SLIT3: variants seen among roughly 807,000 people sequenced by gnomAD.
SLIT3 encodes the protein slit guidance ligand 3, also known as slit homolog 3 protein.
SLIT3 carries 68 observed loss-of-function variants against 184.0 expected under a neutral mutation model. The observed-to-expected ratio is 0.37, with a 90% CI of 0.30 to 0.45. The LOEUF (loss-of-function observed/expected upper bound fraction) is 0.45. Ranked by LOEUF, SLIT3 falls within the 20% of genes least tolerant of loss-of-function variation. The pLI is 1.00. For missense variants in SLIT3, 1,707 were observed against 2,026.0 expected, an observed-to-expected ratio of 0.84 and a Z score of 3.02; for synonymous variants, 831 against 828.6, an observed-to-expected ratio of 1.00 and a Z score of -0.05.
At chr5:169,201,432 C>A (rs1310775774) in intron 3 of SLIT3, among the ~76,000 whole-genome samples, 4 of 152,102 alleles carry the variant, frequency 2.6e-5, no homozygotes, top group African/African-American at 9.7e-5. Context: ...TCTGAGAGGG[C>A]TGAATGGTTT....
At chr5:168,723,082 A>C (rs1451837832) in intron 21 of SLIT3, 78 bp from the exon 22 acceptor site, 1 of 970,356 alleles carries the variant, frequency 1.0e-6, no homozygotes, top group African/African-American at 1.6e-5. Context: ...TATCACACAT[A>C]CCTGCCATCC....
intron 6 of SLIT3, among the ~76,000 whole-genome samples, chr5:168,835,648 A>G (rs1758026372): frequency 6.6e-6 from 1 of 151,844 alleles, no homozygotes. Context: ...GTCTCTACTA[A>G]AAATACAAAA....
intron 4 of SLIT3, among the ~76,000 whole-genome samples, chr5:168,999,617 G>C (rs906717284): frequency 2.6e-5 from 4 of 152,204 alleles, no homozygotes; most frequent in South Asian, 4.1e-4. Flanking sequence ...TGGCTTCCTA[G>C]TGCTGCCTCC....
At chr5:168,811,720 G>T (rs534023217) in intron 8 of SLIT3, among the ~76,000 whole-genome samples, 4 of 152,324 alleles carry the variant, frequency 2.6e-5, no homozygotes, top group Non-Finnish European at 5.9e-5. Context: ...AACAACAAAT[G>T]CTGGCACCAA....
intron 4 of SLIT3, chr5:168,993,131 G>T (rs1252172798): frequency 6.6e-6 from 1 of 152,182 alleles, no homozygotes; most frequent in South Asian, 2.1e-4. Context: ...GAAGCCTCAG[G>T]TCTGACATTT....
rs557165719 is a variant in SLIT3 at position 169,209,821 on chromosome 5, G to A, written c.342-16271C>T. Among the ~76,000 whole-genome samples the A allele has an allele frequency of 7.9e-5, 12 of 152,250 alleles. No individual in the cohort carries two copies. The East Asian group carries it at 1.4e-3, about 17-fold the overall frequency. On this transcript the variant is annotated intron_variant, in intron 3 of 35. Coordinates refer to ENST00000519560, the MANE Select transcript of SLIT3 (RefSeq NM_003062.4). Reference sequence around the variant, plus strand: ...GGGGTAGGGGGCAAGGGGAGGGATAGCATTAAGAGAAATACCCAATGTAGA... The same window carrying A: ...GGGGTAGGGGGCAAGGGGAGGGATAACATTAAGAGAAATACCCAATGTAGA...
At chr5:168,980,831 T>C (rs1445321825) in intron 4 of SLIT3, among the ~76,000 whole-genome samples, 2 of 152,210 alleles carry the variant, frequency 1.3e-5, no homozygotes, top group Non-Finnish European at 2.9e-5. Context: ...TATTCAGTCA[T>C]TAAAGACACT....
At chr5:168,985,894 CT>C (rs1418859031) in intron 4 of SLIT3, among the ~76,000 whole-genome samples, 4 of 152,066 alleles carry the variant, frequency 2.6e-5, no homozygotes, top group African/African-American at 9.7e-5. Context: ...ATTTGAACCC[CT>C]GGTTAAATCA....
intron 4 of SLIT3, among the ~76,000 whole-genome samples, chr5:168,980,638 C>T (rs1216757331): frequency 6.6e-6 from 1 of 152,138 alleles, no homozygotes; most frequent in Non-Finnish European, 1.5e-5. Context: ...ATTGCATGCC[C>T]TTTGATCCAG....
intron 14 of SLIT3, among the ~76,000 whole-genome samples, chr5:168,764,799 C>T (rs1254558905): frequency 6.6e-6 from 1 of 152,166 alleles, no homozygotes; most frequent in African/African-American, 2.4e-5. Context: ...CGTATCCCCA[C>T]AGTTATTCGA....
chr5:168,757,520 G>T (rs555107733), intron 16 of SLIT3, among the ~76,000 whole-genome samples: 3 of 151,318 alleles, frequency 2.0e-5, no homozygotes, highest in South Asian at 2.1e-4. Context: ...TGGAAGCTCC[G>T]CCTCCCAGGT....
chr5:169,090,120 G>A (rs1462436282), intron 4 of SLIT3, among the ~76,000 whole-genome samples: 2 of 152,140 alleles, frequency 1.3e-5, no homozygotes. Context: ...TACGCTAGAG[G>A]GATAAAGGGA....
At chr5:168,891,057 T>C (rs1760437861) in intron 4 of SLIT3, among the ~76,000 whole-genome samples, 1 of 152,236 alleles carries the variant, frequency 6.6e-6, no homozygotes, top group African/African-American at 2.4e-5. Context: ...TCAGAGATAA[T>C]GGACAAGCGA....
At chr5:168,949,282 T>C (rs1404604784) in intron 4 of SLIT3, among the ~76,000 whole-genome samples, 2 of 152,162 alleles carry the variant, frequency 1.3e-5, no homozygotes, top group Non-Finnish European at 2.9e-5. Flanking sequence ...CCTGCAGTCA[T>C]GGGGACCGTT....
chr5:169,112,467 C>T (rs753465938), intron 4 of SLIT3, among the ~76,000 whole-genome samples: 1 of 152,198 alleles, frequency 6.6e-6, no homozygotes, highest in Non-Finnish European at 1.5e-5. Flanking sequence ...ACCCTCATAA[C>T]ATTTTAGTTT....
At chr5:168,874,330 CTTCA>C (rs567843448) in intron 5 of SLIT3, among the ~76,000 whole-genome samples, 51 of 152,222 alleles carry the variant, frequency 3.4e-4, no homozygotes, top group Admixed American at 3.0e-3. Context: ...CATCATGCCC[CTTCA>C]TTCATTCATT....
At chr5:169,291,450 C>T (rs188874141) in intron 1 of SLIT3, among the ~76,000 whole-genome samples, 91 of 152,312 alleles carry the variant, frequency 6.0e-4, no homozygotes, top group African/African-American at 2.1e-3. Context: ...ATAAAACTTC[C>T]CAAAGTGCAG....
At chr5:168,744,973 T>C (rs543192539) in intron 20 of SLIT3, among the ~76,000 whole-genome samples, 27 of 152,256 alleles carry the variant, frequency 1.8e-4, no homozygotes, top group Non-Finnish European at 3.8e-4. Flanking sequence ...GTGATTCCTC[T>C]GATGGATTTG....
At chr5:168,678,268 T>C (rs1761473395) in intron 32 of SLIT3, among the ~76,000 whole-genome samples, 1 of 152,202 alleles carries the variant, frequency 6.6e-6, no homozygotes, top group Non-Finnish European at 1.5e-5. Context: ...GGGTAGGCAG[T>C]GCTAAAGGCT....
Sources: gnomAD v4.1 joint callset for allele counts (sites outside exome capture counted in the v4.1 genomes callset) on GRCh38, gnomAD v4.1.1 for gene constraint, MANE v1.5 for transcripts, NCBI Gene and HGNC (gene_info 2026-07-23, HGNC 2026-07-21) for gene names.